Variants in MGAT4C observed in about 807,000 individuals in gnomAD.
MGAT4C encodes MGAT4 family member C.
MGAT4C carries 19 observed loss-of-function variants against 40.1 expected under a neutral mutation model. That is an observed-to-expected ratio of 0.47 (90% confidence interval 0.33 to 0.70). MGAT4C has a LOEUF of 0.70. Among genes scored for constraint, MGAT4C ranks in the 30% least tolerant of loss-of-function variants. MGAT4C has a pLI of 0.02. For missense variants in MGAT4C, 491 were observed against 563.2 expected (o/e 0.87, Z 1.30); for synonymous variants, 181 against 187.1 (o/e 0.97, Z 0.27).
chr12:86,759,687 G>A (rs1161197969), intron 1 of MGAT4C, among the ~76,000 whole-genome samples: 1 of 152,070 alleles, frequency 6.6e-6, no homozygotes, highest in African/African-American at 2.4e-5. Context: ...TTCTTCTTCA[G>A]AGAAATGTCT....
intron 1 of MGAT4C, among the ~76,000 whole-genome samples, chr12:86,163,416 G>T (rs150128228): frequency 0.018 from 2,772 of 152,128 alleles, 40 homozygotes; most frequent in South Asian, 0.033. Flanking sequence ...GGTCTTGAAC[G>T]ACTGTCCTGA....
intron 4 of MGAT4C, among the ~76,000 whole-genome samples, chr12:86,295,101 C>T (rs1029664449): frequency 6.6e-6 from 1 of 152,116 alleles, no homozygotes; most frequent in Non-Finnish European, 1.5e-5. Context: ...CTTAAAATCC[C>T]TTAACTACTT....
Position 85,965,015 on chromosome 12 carries a change from T to A in MGAT4C, c.*14274A>T, listed in dbSNP as rs1464224300. The stretch of plus-strand genomic sequence containing the variant: ...TTCTATTCTCTGTCAAATGTGGAGG[T>A]CATGGATCCTTCTTGGCACCTAAGA... On this transcript the variant is annotated 3_prime_UTR_variant, in exon 5 of 5. Transcript: ENST00000611864. 1 of 152,072 alleles carries A rather than the reference T, an allele frequency of 6.6e-6. No homozygotes were observed. Among genetic ancestry groups the A allele is most frequent in the East Asian group, 1.9e-4 (1 of 5,188 alleles). 9.4% of individuals were successfully genotyped at this position (152,072 alleles called of 1,614,324 possible).
At chr12:86,280,070 C>A (rs961022033) in intron 4 of MGAT4C, among the ~76,000 whole-genome samples, 16 of 151,998 alleles carry the variant, frequency 1.1e-4, no homozygotes, top group African/African-American at 3.6e-4. Flanking sequence ...TGAGAATGAT[C>A]TATGTGCTTA....
At chr12:86,316,848 C>A (rs147943727) in intron 4 of MGAT4C, among the ~76,000 whole-genome samples, 2 of 152,078 alleles carry the variant, frequency 1.3e-5, no homozygotes, top group East Asian at 3.9e-4. Flanking sequence ...TGCCTACGTA[C>A]CACTCATTCT....
chr12:86,831,192 A>G (rs1952920806), intron 1 of MGAT4C, among the ~76,000 whole-genome samples: 1 of 151,658 alleles, frequency 6.6e-6, no homozygotes, highest in African/African-American at 2.4e-5. Context: ...AAAGATATCC[A>G]TTTTCCTTGA....
At chr12:86,344,586 T>C (rs1480673977) in intron 3 of MGAT4C, among the ~76,000 whole-genome samples, 1 of 152,198 alleles carries the variant, frequency 6.6e-6, no homozygotes, top group Non-Finnish European at 1.5e-5. Context: ...TCCAATTGAT[T>C]GTACTTTACA....
intron 4 of MGAT4C, among the ~76,000 whole-genome samples, chr12:86,269,563 G>GTT (rs758179075): frequency 7.0e-6 from 1 of 143,198 alleles, no homozygotes; most frequent in Non-Finnish European, 1.5e-5. Flanking sequence ...AGGTTTTTTT[G>GTT]TTTTTTTTTT....
intron 2 of MGAT4C, among the ~76,000 whole-genome samples, chr12:86,036,786 A>G (rs1203713152): frequency 6.7e-6 from 1 of 149,878 alleles, no homozygotes; most frequent in Non-Finnish European, 1.5e-5. Flanking sequence ...AGGTTTTGGA[A>G]TTAGGATGAC....
intron 2 of MGAT4C, among the ~76,000 whole-genome samples, chr12:86,698,766 T>C (rs771796584): frequency 5.3e-5 from 8 of 152,228 alleles, no homozygotes; most frequent in African/African-American, 9.6e-5. Context: ...GGTTTCATTC[T>C]GAAGGAATGA....
At chr12:86,305,714 G>A (rs1156951096) in intron 4 of MGAT4C, among the ~76,000 whole-genome samples, 4 of 150,162 alleles carry the variant, frequency 2.7e-5, no homozygotes, top group East Asian at 2.0e-4. Flanking sequence ...CTATACTTAC[G>A]TTTATCACTA....
chr12:85,969,237 C>T lies in MGAT4C; in HGVS notation c.*10052G>A, dbSNP rs1245122320. 1.3e-5 allele frequency: 2 copies of T among 151,656 alleles called. No individual in the cohort carries two copies. Among genetic ancestry groups the T allele is most frequent in the African/African-American group, 4.8e-5 (2 of 41,374 alleles). The allele number at this position is 151,656 out of a possible 1,614,324, so 9.4% of individuals were successfully genotyped here. ...GTACCGATTAGGAGAGTACCAAATA[C>T]ATATTAAACACTCAGTTCATGTAAG... On this transcript the variant is annotated 3_prime_UTR_variant, in exon 5 of 5. Transcript: ENST00000611864.
At chr12:86,133,949 A>G (rs1481441789) in intron 1 of MGAT4C, among the ~76,000 whole-genome samples, 2 of 151,996 alleles carry the variant, frequency 1.3e-5, no homozygotes, top group Non-Finnish European at 2.9e-5. Flanking sequence ...CAAACTTAGG[A>G]GATTTTATTC....
At chr12:86,425,205 A>T (rs1255679420) in intron 3 of MGAT4C, among the ~76,000 whole-genome samples, 1 of 152,208 alleles carries the variant, frequency 6.6e-6, no homozygotes, top group East Asian at 1.9e-4. Context: ...GCAGTCTTTC[A>T]TCATAATTTA....
chr12:86,524,091 C>G (rs1388860281), intron 2 of MGAT4C, among the ~76,000 whole-genome samples: 4 of 152,052 alleles, frequency 2.6e-5, no homozygotes, highest in Non-Finnish European at 4.4e-5. Context: ...CACTTACATT[C>G]CAGGTTGGTA....
rs1950531382 is a variant in MGAT4C at position 86,710,109 on chromosome 12, T to C, written c.-229+17100A>G. Among the ~76,000 whole-genome samples, 5 of 152,226 alleles carry C rather than the reference T, an allele frequency of 3.3e-5. No homozygotes were observed. In the South Asian group the frequency reaches 1.0e-3, roughly 32 times the overall value. ...AAATCTGAAGAACTCATAAGAATTG[T>C]CAATAGACATATTAGAAACCTTCCA... is the stretch of plus-strand genomic sequence containing the variant. On this transcript the variant is annotated intron_variant, in intron 2 of 7. Coordinates refer to the MGAT4C transcript ENST00000548651.
chr12:86,265,943 T>C (rs774581169), intron 4 of MGAT4C, among the ~76,000 whole-genome samples: 1 of 152,238 alleles, frequency 6.6e-6, no homozygotes, highest in African/African-American at 2.4e-5. Flanking sequence ...CTCAGCTAAA[T>C]TGTTGCTGGT....
intron 2 of MGAT4C, among the ~76,000 whole-genome samples, chr12:86,568,924 A>G (rs1045270400): frequency 5.3e-5 from 8 of 152,052 alleles, no homozygotes; most frequent in East Asian, 1.9e-4. Flanking sequence ...TACAAAAATC[A>G]GCTCAAAATG....
chr12:86,231,933 G>A (rs534558635), intron 1 of MGAT4C, among the ~76,000 whole-genome samples: 1 of 152,254 alleles, frequency 6.6e-6, no homozygotes, highest in South Asian at 2.1e-4. Flanking sequence ...GAGGTCAGGA[G>A]TTTGAGATCA....
Sources: allele counts gnomAD v4.1 joint callset (sites outside exome capture counted in the v4.1 genomes callset), GRCh38; gene constraint gnomAD v4.1.1; transcripts MANE v1.5; gene names NCBI Gene and HGNC (gene_info 2026-07-23, HGNC 2026-07-21).